The following IL17RC variants were observed in gnomAD, a reference collection of about 807,000 sequenced individuals.
The protein encoded by IL17RC is interleukin-17 receptor C.
Under a neutral mutation model 86.7 loss-of-function variants are expected in IL17RC, and 53 were observed. That is an observed-to-expected ratio of 0.61 (90% confidence interval 0.49 to 0.77). The LOEUF is 0.77. Among genes scored for constraint, IL17RC ranks in the 30% least tolerant of loss-of-function variants. The pLI, the probability that IL17RC is intolerant of heterozygous loss-of-function variation, is 0.00. For synonymous variants in IL17RC, 439 were observed against 413.1 expected (o/e 1.06, Z -0.76); for missense variants, 957 against 940.0 (o/e 1.02, Z -0.24).
intron 9 of IL17RC, among the ~76,000 whole-genome samples, chr3:9,926,380 C>T (rs1291743038): frequency 1.3e-5 from 2 of 152,136 alleles, no homozygotes; most frequent in Non-Finnish European, 2.9e-5. Flanking sequence ...ACACCCAGCT[C>T]AATCACTTAC....
Position 9,930,185 on chromosome 3 carries a change from C to T in IL17RC, c.1278+36C>T, listed in dbSNP as rs1202827830. 3.7e-5 allele frequency: 60 copies of T among 1,610,402 alleles called. No individual in the cohort carries two copies. The highest frequency in any genetic ancestry group is 4.6e-5 in the Non-Finnish European group (54 of 1,177,582). On this transcript the variant is annotated intron_variant, in intron 14 of 18. Coordinates refer to ENST00000403601, the MANE Select transcript of IL17RC (RefSeq NM_153460.4). The surrounding 1 kb of genome is among the most constrained non-coding windows in gnomAD (Gnocchi z 5.8). ...GGCGACCCTCCTCCACAGATCTCTC[C>T]AAATGCATCTCACATCTGGCCTCAA...
rs1201809661 is a variant in IL17RC at position 9,933,612 on chromosome 3, T to C, written c.*19T>C. 1 of 1,553,644 alleles carries C rather than the reference T, an allele frequency of 6.4e-7. No individual in the cohort carries two copies. The highest frequency in any genetic ancestry group is 1.2e-5 in the South Asian group (1 of 84,664). ...GACTTAAATAAAGGCAGACGCTGTTTTTCTACCCATGTGGCCCACACGCGT... is the reference window on the plus strand; with the variant it reads ...GACTTAAATAAAGGCAGACGCTGTTCTTCTACCCATGTGGCCCACACGCGT... On this transcript the variant is annotated 3_prime_UTR_variant, in exon 19 of 19. Coordinates refer to ENST00000403601, the MANE Select transcript of IL17RC (RefSeq NM_153460.4).
At position 9,933,530 on chromosome 3, in the gene IL17RC, G is replaced by C. The variant is rs564583795; in HGVS notation, c.2100G>C (p.Gly700=). Residue 700 remains glycine, a synonymous_variant, in exon 19 of 19, where the codon GGG becomes GGC. Coordinates refer to ENST00000403601, the MANE Select transcript of IL17RC (RefSeq NM_153460.4). ...TGGATAGCTACTTCCATCCCCCGGG[G>C]ACTCCCGCGCCGGGACGCGGGGTGG... is the stretch of plus-strand genomic sequence containing the variant. ...PALDSYFHPP[G]TPAPGRGVGP... is the part of the protein sequence containing the mutation. 1 of 1,607,632 alleles carries C rather than the reference G, an allele frequency of 6.2e-7. No individual in the cohort carries two copies. Among genetic ancestry groups the C allele is most frequent in the Admixed American group, 1.7e-5 (1 of 59,528 alleles).
In IL17RC at chr3:9,917,265, G is replaced by GT. The variant is rs750249210; in HGVS notation, c.-51_-50insT. 5.5e-6 allele frequency: 8 copies of GT among 1,457,752 alleles called. No homozygotes were observed. The highest frequency in any genetic ancestry group is 1.4e-5 in the African/African-American group (1 of 70,038). 90.3% of individuals were successfully genotyped at this position (1,457,752 alleles called of 1,614,324 possible). ...CTGACTGGGGTGTCTGCCCCCCTTGGGGGGGGGCAGCACAGGGCCTCAGGC... is the reference window on the plus strand; with the variant it reads ...CTGACTGGGGTGTCTGCCCCCCTTGGTGGGGGGGCAGCACAGGGCCTCAGGC... On this transcript the variant is annotated 5_prime_UTR_variant, in exon 1 of 19. Coordinates refer to ENST00000403601, the MANE Select transcript of IL17RC (RefSeq NM_153460.4).
In IL17RC at chr3:9,924,836, C is replaced by G. The variant is rs535188050; in HGVS notation, c.822+545C>G. Reference sequence around the variant, plus strand: ...TTATTTTTTTAGACAAGGTCTCACTCTGTTGCCCAGGCTGGAGTGCAGTGG... The same window carrying G: ...TTATTTTTTTAGACAAGGTCTCACTGTGTTGCCCAGGCTGGAGTGCAGTGG... On this transcript the variant is annotated intron_variant, in intron 9 of 18. Coordinates refer to ENST00000403601, the MANE Select transcript of IL17RC (RefSeq NM_153460.4). 2.0e-5 allele frequency among the ~76,000 whole-genome samples: 3 copies of G among 152,314 alleles called. No individual in the cohort carries two copies. In the East Asian group the frequency reaches 5.8e-4, roughly 29 times the overall value.
intron 9 of IL17RC, 153 bp from the exon 10 acceptor site, chr3:9,928,013 A>AT: frequency 2.8e-6 from 2 of 703,824 alleles, no homozygotes. Context: ...TGCTGGAAGA[A>AT]TAGATGTGAG....
intron 5 of IL17RC, among the ~76,000 whole-genome samples, chr3:9,919,592 G>T (rs916051689): frequency 1.3e-5 from 2 of 152,094 alleles, no homozygotes; most frequent in Non-Finnish European, 2.9e-5. Context: ...CTTGCAGTGA[G>T]CCGAGATCGC....
intron 16 of IL17RC, among the ~76,000 whole-genome samples, chr3:9,931,604 T>G (rs2084708748): frequency 6.6e-6 from 1 of 151,020 alleles, no homozygotes; most frequent in African/African-American, 2.4e-5. Flanking sequence ...CCTCCCGGGT[T>G]CAAGCAATTC....
chr3:9,920,515 G>A lies in IL17RC; in HGVS notation c.490G>A (p.Glu164Lys), dbSNP rs748371560. 1.7e-5 allele frequency: 28 copies of A among 1,603,954 alleles called. No homozygotes were observed. Among genetic ancestry groups the A allele is most frequent in the Non-Finnish European group, 1.8e-5 (21 of 1,174,332 alleles). ...SVGSVVYDCFEAALGSEVRIW... is the reference protein window; with the variant it reads ...SVGSVVYDCFKAALGSEVRIW... Reference sequence around the variant, plus strand: ...GGGCTCTGTGGTATATGACTGCTTCGAGGCTGCCCTAGGGAGTGAGGTACG... The same window carrying A: ...GGGCTCTGTGGTATATGACTGCTTCAAGGCTGCCCTAGGGAGTGAGGTACG... Residue 164 changes from glutamate to lysine, a missense_variant, in exon 6 of 19, where the codon GAG (glutamate) becomes AAG (lysine). Glu to Lys is a moderately conservative substitution (Grantham distance 56). Coordinates refer to ENST00000403601, the MANE Select transcript of IL17RC (RefSeq NM_153460.4).
intron 16 of IL17RC, among the ~76,000 whole-genome samples, chr3:9,931,468 C>CACACATATATATATAT (rs1553593445): frequency 2.2e-4 from 4 of 17,922 alleles, no homozygotes; most frequent in African/African-American, 3.7e-4. Context: ...CACACACACA[C>CACACATATATATATAT]ACATATATAT....
intron 5 of IL17RC, 22 bp downstream of exon 5, chr3:9,918,631 A>G (rs752222747): frequency 6.8e-7 from 1 of 1,475,738 alleles, no homozygotes; most frequent in South Asian, 1.1e-5. Context: ...AATAATAATC[A>G]CCTTCTAAAC....
chr3:9,917,211 T>G lies in IL17RC; in HGVS notation c.-105T>G. ...GCCCCCTCTGGAGGCTGAAGAGGGA[T>G]TCCAGCCCCTGCCACCCACAGACAC... On this transcript the variant is annotated 5_prime_UTR_variant, in exon 1 of 19. Transcript: ENST00000403601. 1.2e-6 allele frequency: 1 copy of G among 861,568 alleles called. No individual in the cohort carries two copies. Among genetic ancestry groups the G allele is most frequent in the East Asian group, 2.6e-5 (1 of 37,976 alleles). 53.4% of individuals were successfully genotyped at this position (861,568 alleles called of 1,614,324 possible). A position where few individuals can be genotyped will look rare whatever the true frequency, so the allele number is the denominator to read the frequency against.
intron 7 of IL17RC, among the ~76,000 whole-genome samples, chr3:9,922,462 A>G (rs1425977152): frequency 5.9e-5 from 9 of 152,266 alleles, no homozygotes; most frequent in Non-Finnish European, 8.8e-5. Context: ...ACAGATGTGT[A>G]TATCATGGAT....
At chr3:9,932,924 C>T (rs1327533789) in intron 18 of IL17RC, 29 bp from the exon 19 acceptor site, 2 of 1,610,160 alleles carry the variant, frequency 1.2e-6, no homozygotes, top group Non-Finnish European at 1.7e-6. Context: ...CAGCTCACCT[C>T]TTCCCTCCCC....
chr3:9,917,885 G>A, intron 2 of IL17RC, 38 bp from the exon 3 acceptor site: 1 of 1,612,406 alleles, frequency 6.2e-7, no homozygotes, highest in African/African-American at 1.3e-5. Flanking sequence ...TTCTGGGCTT[G>A]GAACAGCTTC....
Position 9,933,503 on chromosome 3 carries a change from C to G in IL17RC, c.2073C>G (p.Ala691=). The G allele has an allele frequency of 6.2e-7, 1 of 1,611,334 alleles. No homozygotes were observed. Among genetic ancestry groups the G allele is most frequent in the East Asian group, 2.2e-5 (1 of 44,804 alleles). ...AAGTGTCCCGGGCCCTTCAGCCAGC[C>G]CTGGATAGCTACTTCCATCCCCCGG... The part of the protein sequence containing the change: ...AEQVSRALQP[A]LDSYFHPPGT... Residue 691 remains alanine, a synonymous_variant, in exon 19 of 19, where the codon GCC becomes GCG. Coordinates refer to ENST00000403601, the MANE Select transcript of IL17RC (RefSeq NM_153460.4).
At chr3:9,920,410 G>A in intron 5 of IL17RC, 81 bp from the exon 6 acceptor site, 3 of 781,576 alleles carry the variant, frequency 3.8e-6, no homozygotes, top group South Asian at 1.5e-5. Context: ...TGAGCAGAGT[G>A]GTCCCTGCAG....
In IL17RC at chr3:9,933,418, T is replaced by G. The variant is rs766554752; in HGVS notation, c.1988T>G (p.Leu663Arg). The change falls in exon 19 of 19, where the codon CTG becomes CGG. Residue 663 changes from leucine (L) to arginine (R), a missense_variant. By Grantham distance (102) the Leu-to-Arg change is moderately radical. Transcript: ENST00000403601. Reference sequence around the variant, plus strand: ...CTGCCCTCCCAACTGCCAGACTTCCTGGGGGCCCTGCAGCAGCCTCGCGCC... The same window carrying G: ...CTGCCCTCCCAACTGCCAGACTTCCGGGGGGCCCTGCAGCAGCCTCGCGCC... ...FTLPSQLPDF[L>R]GALQQPRAPR... 2 of 1,613,214 alleles carry G rather than the reference T, an allele frequency of 1.2e-6. No homozygotes were observed. Among genetic ancestry groups the G allele is most frequent in the East Asian group, 2.2e-5 (1 of 44,868 alleles).
At chr3:9,923,693 A>G (rs1459849286) in intron 7 of IL17RC, among the ~76,000 whole-genome samples, 188 bp from the exon 8 acceptor site, 3 of 152,126 alleles carry the variant, frequency 2.0e-5, no homozygotes, top group African/African-American at 7.2e-5. Context: ...CCGACCACAC[A>G]CTAGGGTCTC....
Sources: allele counts gnomAD v4.1 joint callset (sites outside exome capture counted in the v4.1 genomes callset), GRCh38; gene constraint gnomAD v4.1.1; non-coding constraint Gnocchi (gnomAD v3.1); transcripts MANE v1.5; gene names NCBI Gene and HGNC (gene_info 2026-07-23, HGNC 2026-07-21).